Variants in DOK6 observed in about 807,000 individuals in gnomAD.
DOK6 encodes the protein docking protein 6, also known as downstream of tyrosine kinase 6.
Under a neutral mutation model 44.0 loss-of-function variants are expected in DOK6, and 22 were observed. That is an observed-to-expected ratio of 0.50 (90% CI 0.36 to 0.71). The LOEUF is 0.71. Among genes scored for constraint, DOK6 ranks in the 30% least tolerant of loss-of-function variants. The probability of loss-of-function intolerance (pLI) is 0.00; values close to 1 mark genes in which losing one functional copy is unlikely to be tolerated. For synonymous variants in DOK6, 166 were observed against 145.5 expected, an observed-to-expected ratio of 1.14 and a Z score of -1.01; for missense variants, 340 against 416.4, an observed-to-expected ratio of 0.82 and a Z score of 1.60.
At position 69,821,469 on chromosome 18, in the gene DOK6, C is replaced by A. The variant is rs574654773; in HGVS notation, c.857-19775C>A. ...TAGTGAATCATCCTCTGAATGTTAA[C>A]CATCACAGTTTATAGGATATTTACC... On this transcript the variant is annotated intron_variant, in intron 7 of 7. Transcript: ENST00000382713. Among the ~76,000 whole-genome samples, 130 of 152,250 alleles carry A rather than the reference C, an allele frequency of 8.5e-4. 1 individual carries two copies. The highest frequency in any genetic ancestry group is 3.0e-3 in the African/African-American group (124 of 41,554).
At chr18:69,725,545 T>C (rs1239955136) in intron 5 of DOK6, among the ~76,000 whole-genome samples, 1 of 152,226 alleles carries the variant, frequency 6.6e-6, no homozygotes, top group African/African-American at 2.4e-5. Context: ...TGGAGTGCAG[T>C]GGCACGATCT....
intron 5 of DOK6, among the ~76,000 whole-genome samples, chr18:69,707,503 G>A (rs1276462345): frequency 6.6e-6 from 1 of 152,150 alleles, no homozygotes; most frequent in Non-Finnish European, 1.5e-5. Flanking sequence ...TCAGTGCCCT[G>A]TATCTTAGGG....
rs147013320 is a variant in DOK6 at position 69,494,445 on chromosome 18, C to T, written c.67-70042C>T. Among the ~76,000 whole-genome samples, 1,025 of 151,798 alleles carry T rather than the reference C, an allele frequency of 6.8e-3. 15 individuals carry two copies. Among genetic ancestry groups the T allele is most frequent in the African/African-American group, 0.023 (951 of 41,322 alleles). On this transcript the variant is annotated intron_variant, in intron 1 of 7. Transcript: ENST00000382713. ...GAGCCAAAATCAAGCCACTACACTC[C>T]AGCCTGGGTGATAGAGTGAGATTCT... is the stretch of plus-strand genomic sequence containing the variant.
intron 1 of DOK6, among the ~76,000 whole-genome samples, chr18:69,452,082 T>TA (rs1441204313): frequency 6.6e-6 from 1 of 150,738 alleles, no homozygotes; most frequent in Non-Finnish European, 1.5e-5. Context: ...CTGAAGGAAA[T>TA]AGAGACACAA....
intron 5 of DOK6, among the ~76,000 whole-genome samples, chr18:69,709,639 T>A (rs1986714560): frequency 6.6e-6 from 1 of 152,218 alleles, no homozygotes; most frequent in African/African-American, 2.4e-5. Flanking sequence ...TTGATCATGG[T>A]AATTAACTCA....
chr18:69,719,281 CTGTCTTCA>C (rs1986953064), intron 5 of DOK6, among the ~76,000 whole-genome samples: 1 of 152,208 alleles, frequency 6.6e-6, no homozygotes, highest in South Asian at 2.1e-4. Flanking sequence ...AGTATTGAAA[CTGTCTTCA>C]TGCACTGAGT....
chr18:69,512,332 C>CTTCTTT (rs59109570), intron 1 of DOK6, among the ~76,000 whole-genome samples: 3 of 91,680 alleles, frequency 3.3e-5, no homozygotes, highest in African/African-American at 1.4e-4. Context: ...CTTTCTTCTT[C>CTTCTTT]TTTTTTTTTT....
At chr18:69,819,961 C>G (rs1472976084) in intron 7 of DOK6, among the ~76,000 whole-genome samples, 1 of 152,100 alleles carries the variant, frequency 6.6e-6, no homozygotes, top group Non-Finnish European at 1.5e-5. Flanking sequence ...AAAAAAATCT[C>G]ATAATGTTTA....
chr18:69,616,918 TA>T (rs1984298202), intron 3 of DOK6, among the ~76,000 whole-genome samples: 2 of 152,352 alleles, frequency 1.3e-5, no homozygotes, highest in African/African-American at 4.8e-5. Context: ...AATGAGGACT[TA>T]AAAATATCTT....
At chr18:69,655,056 T>G (rs1985326417) in intron 3 of DOK6, among the ~76,000 whole-genome samples, 1 of 151,986 alleles carries the variant, frequency 6.6e-6, no homozygotes, top group Non-Finnish European at 1.5e-5. Context: ...AGACTCTGTC[T>G]CAAAACAAGA....
At chr18:69,565,589 G>A (rs1001151185) in intron 2 of DOK6, among the ~76,000 whole-genome samples, 21 of 151,086 alleles carry the variant, frequency 1.4e-4, no homozygotes, top group African/African-American at 5.1e-4. Context: ...TATGTTGCTG[G>A]TCTCAAACTC....
chr18:69,558,489 A>G (rs1450371148), intron 1 of DOK6, among the ~76,000 whole-genome samples: 2 of 152,040 alleles, frequency 1.3e-5, no homozygotes, highest in East Asian at 3.9e-4. Context: ...TTTTTTTGCT[A>G]CTTTAAGTTT....
At chr18:69,537,196 A>C (rs958257371) in intron 1 of DOK6, among the ~76,000 whole-genome samples, 3 of 152,058 alleles carry the variant, frequency 2.0e-5, no homozygotes, top group African/African-American at 7.2e-5. Context: ...GGAATATTCC[A>C]CTTTGATTTT....
chr18:69,481,490 T>TG (rs1980420218), intron 1 of DOK6, among the ~76,000 whole-genome samples: 1 of 152,132 alleles, frequency 6.6e-6, no homozygotes, highest in African/African-American at 2.4e-5. Flanking sequence ...TTTTTGTCCT[T>TG]GCGATAGTTT....
intron 2 of DOK6, among the ~76,000 whole-genome samples, chr18:69,595,266 C>T (rs1444912410): frequency 2.0e-5 from 3 of 152,210 alleles, no homozygotes; most frequent in African/African-American, 4.8e-5. Flanking sequence ...AATCTAAGCA[C>T]AACAGTTTTG....
chr18:69,551,205 C>T (rs1236311998), intron 1 of DOK6, among the ~76,000 whole-genome samples: 3 of 152,184 alleles, frequency 2.0e-5, no homozygotes, highest in Admixed American at 6.5e-5. Context: ...GAGTTGAAAT[C>T]ATAAATTCAT....
intron 1 of DOK6, among the ~76,000 whole-genome samples, chr18:69,519,172 A>G (rs1160628013): frequency 6.6e-6 from 1 of 152,100 alleles, no homozygotes; most frequent in African/African-American, 2.4e-5. Context: ...TGAGCACCAG[A>G]GACAACTACT....
chr18:69,534,508 T>G (rs1258938435), intron 1 of DOK6, among the ~76,000 whole-genome samples: 1 of 152,106 alleles, frequency 6.6e-6, no homozygotes. Flanking sequence ...TTTTTTTTAA[T>G]TTTCTTATTC....
At chr18:69,781,792 T>C (rs954619559) in intron 7 of DOK6, among the ~76,000 whole-genome samples, 1 of 152,156 alleles carries the variant, frequency 6.6e-6, no homozygotes, top group Non-Finnish European at 1.5e-5. Flanking sequence ...TCCTGTTAAA[T>C]AAAAATTTAT....
Sources: gnomAD v4.1 joint callset for allele counts (sites outside exome capture counted in the v4.1 genomes callset) on GRCh38, gnomAD v4.1.1 for gene constraint, MANE v1.5 for transcripts, NCBI Gene and HGNC (gene_info 2026-07-23, HGNC 2026-07-21) for gene names.